XYLB: variants seen among roughly 807,000 people sequenced by gnomAD.
The protein encoded by XYLB is xylulose kinase.
A neutral mutation model predicts 78.7 loss-of-function variants in XYLB; 62 were observed. That is an observed-to-expected ratio of 0.79 (90% confidence interval 0.64 to 0.97). The LOEUF (loss-of-function observed/expected upper bound fraction) is 0.97, where lower values mean the gene tolerates loss of function less well. XYLB is among the 50% of genes least tolerant of loss of function. The pLI is 0.00. For synonymous variants in XYLB, 245 were observed against 247.4 expected (o/e 0.99, Z 0.09); for missense variants, 687 against 676.8 (o/e 1.02, Z -0.17).
At chr3:38,354,424 G>C (rs1317335686) in intron 2 of XYLB, among the ~76,000 whole-genome samples, 1 of 151,472 alleles carries the variant, frequency 6.6e-6, no homozygotes, top group Non-Finnish European at 1.5e-5. Context: ...TTTTTTTCCA[G>C]AGTTTCCATG....
chr3:38,409,170 T>A (rs893857810), intron 18 of XYLB, among the ~76,000 whole-genome samples: 4 of 152,074 alleles, frequency 2.6e-5, no homozygotes, highest in Non-Finnish European at 4.4e-5. Context: ...CAGCAGCACA[T>A]CCAAAAGCTT....
At chr3:38,366,158 G>T (rs571472779) in intron 6 of XYLB, among the ~76,000 whole-genome samples, 2 of 152,008 alleles carry the variant, frequency 1.3e-5, no homozygotes, top group African/African-American at 4.8e-5. Flanking sequence ...CTGTTCCACA[G>T]GTTCAACCTT....
At chr3:38,428,402 TACTG>T in the XYLB span, among the ~76,000 whole-genome samples, 1 of 152,258 alleles carries the variant, frequency 6.6e-6, no homozygotes, top group Non-Finnish European at 1.5e-5. Flanking sequence ...TTATACCAAT[TACTG>T]AGAGAGAAGT....
At chr3:38,381,206 T>G (rs191472443) in intron 15 of XYLB, among the ~76,000 whole-genome samples, 2 of 152,354 alleles carry the variant, frequency 1.3e-5, no homozygotes, top group Admixed American at 6.5e-5. Context: ...AATACTTTTA[T>G]AATTTCTTAC....
In XYLB at chr3:38,379,788, G is replaced by A. The variant is rs145761815; in HGVS notation, c.1291+446G>A. Among the ~76,000 whole-genome samples the A allele has an allele frequency of 1.3e-4, 20 of 152,264 alleles. No individual in the cohort carries two copies. In the South Asian group the frequency reaches 1.5e-3, roughly 11 times the overall value. On this transcript the variant is annotated intron_variant, in intron 15 of 18. Coordinates refer to ENST00000207870, the MANE Select transcript of XYLB (RefSeq NM_005108.4). Reference sequence around the variant, plus strand: ...TCTTTCAGCTTGGACAGGGAAGAGGGGGATGTAGTACCACTGTCAAAACTC... The same window carrying A: ...TCTTTCAGCTTGGACAGGGAAGAGGAGGATGTAGTACCACTGTCAAAACTC...
At chr3:38,406,006 CCTGT>C (rs911351167) in intron 18 of XYLB, among the ~76,000 whole-genome samples, 2 of 152,210 alleles carry the variant, frequency 1.3e-5, no homozygotes, top group Non-Finnish European at 2.9e-5. Context: ...GTTAAATATC[CCTGT>C]CTGACAGCTT....
In XYLB at chr3:38,362,952, T is replaced by C. The variant is rs769434154; in HGVS notation, c.226T>C (p.Leu76=). Residue 76 remains leucine, a synonymous_variant, in exon 4 of 19, where the codon TTG becomes CTG. Coordinates refer to ENST00000207870, the MANE Select transcript of XYLB (RefSeq NM_005108.4). The part of the protein sequence containing the change: ...LMWVQALDII[L]EKMKASGFDF... ...TTCTTCTTAGGCACTGGATATCATC[T>C]TGGAGAAGATGAAGGCTTCGGGCTT... 1.3e-5 allele frequency: 21 copies of C among 1,583,146 alleles called. No homozygotes were observed. Among genetic ancestry groups the C allele is most frequent in the Middle Eastern group, 1.7e-4 (1 of 5,988 alleles).
chr3:38,398,044 T>C (rs964789400), intron 17 of XYLB, among the ~76,000 whole-genome samples: 1 of 151,596 alleles, frequency 6.6e-6, no homozygotes, highest in Non-Finnish European at 1.5e-5. Context: ...GGTCTCGATC[T>C]CCTGACTTTG....
At chr3:38,407,403 C>T (rs981039068) in intron 18 of XYLB, among the ~76,000 whole-genome samples, 4 of 152,206 alleles carry the variant, frequency 2.6e-5, no homozygotes, top group African/African-American at 9.7e-5. Flanking sequence ...TGGAAAGGAA[C>T]AACCTGTACC....
chr3:38,351,898 A>C (rs1287834998), intron 2 of XYLB, among the ~76,000 whole-genome samples: 2 of 152,176 alleles, frequency 1.3e-5, no homozygotes, highest in African/African-American at 4.8e-5. Context: ...TGTTGTATGG[A>C]TGGACTACAA....
At chr3:38,393,876 A>T (rs1069266) in intron 15 of XYLB, among the ~76,000 whole-genome samples, 151,991 of 152,334 alleles carry the variant, frequency 1, 75,826 homozygotes, top group East Asian at 1. Flanking sequence ...CATTCTGAGA[A>T]ACTGGGGTTT....
chr3:38,360,617 C>A (rs1220185963), intron 3 of XYLB, among the ~76,000 whole-genome samples: 1 of 152,258 alleles, frequency 6.6e-6, no homozygotes, highest in African/African-American at 2.4e-5. Flanking sequence ...TTACAAAAAA[C>A]TTCCAGGTAC....
intron 2 of XYLB, among the ~76,000 whole-genome samples, chr3:38,359,172 T>C (rs555554503): frequency 7.9e-5 from 12 of 152,390 alleles, no homozygotes; most frequent in African/African-American, 2.9e-4. Flanking sequence ...GCATTTCTTA[T>C]GGGAAACAAA....
At chr3:38,396,979 T>C in intron 16 of XYLB, 93 bp from the exon 17 acceptor site, 1 of 1,259,026 alleles carries the variant, frequency 7.9e-7, no homozygotes, top group African/African-American at 1.5e-5. Context: ...TCAGAAGACA[T>C]ATGAGGGAGA....
In XYLB at chr3:38,362,943, G is replaced by T; in HGVS notation, c.217G>T (p.Asp73Tyr). The T allele has an allele frequency of 6.3e-7, 1 of 1,578,110 alleles. No individual in the cohort carries two copies. Among genetic ancestry groups the T allele is most frequent in the Non-Finnish European group, 8.6e-7 (1 of 1,160,624 alleles). Residue 73 changes from aspartate to tyrosine, a missense_variant, in exon 4 of 19, where the codon GAT becomes TAT. Asp to Tyr is a radical substitution (Grantham distance 160). Transcript: ENST00000207870. ...GTTCTGTTTTTCTTCTTAGGCACTGGATATCATCTTGGAGAAGATGAAGGC... is the reference window on the plus strand; with the variant it reads ...GTTCTGTTTTTCTTCTTAGGCACTGTATATCATCTTGGAGAAGATGAAGGC... ...SPVLMWVQAL[D>Y]IILEKMKASG...
downstream of XYLB, among the ~76,000 whole-genome samples, chr3:38,424,088 G>A (rs181098115): frequency 4.8e-4 from 73 of 152,276 alleles, no homozygotes; most frequent in African/African-American, 1.7e-3. Context: ...ATTAACAAAG[G>A]AGGCTGAGGC....
At position 38,365,211 on chromosome 3, in the gene XYLB, A is replaced by G. The variant is rs1421429245; in HGVS notation, c.304A>G (p.Ile102Val). 1.2e-6 allele frequency: 2 copies of G among 1,614,214 alleles called. No homozygotes were observed. The highest frequency in any genetic ancestry group is 1.7e-5 in the Admixed American group (1 of 60,022). The change falls in exon 5 of 19, where the codon ATA (isoleucine) becomes GTA (valine). Residue 102 changes from isoleucine (I) to valine (V), a missense_variant. Physicochemically the swap from Ile to Val is conservative, Grantham distance 29. Transcript: ENST00000207870. ...LSGAGQQHGS[I>V]YWKAGAQQAL... ...GGTTTCCCAACAGCAACACGGAAGTATATACTGGAAGGCTGGAGCCCAGCA... is the reference window on the plus strand; with the variant it reads ...GGTTTCCCAACAGCAACACGGAAGTGTATACTGGAAGGCTGGAGCCCAGCA...
chr3:38,398,361 G>A (rs1301087789), intron 17 of XYLB, among the ~76,000 whole-genome samples: 4 of 151,494 alleles, frequency 2.6e-5, no homozygotes, highest in Non-Finnish European at 5.9e-5. Flanking sequence ...CCAGCTACTC[G>A]GGAGGCTGAG....
chr3:38,354,570 T>A (rs1294001735), intron 2 of XYLB, among the ~76,000 whole-genome samples: 1 of 152,046 alleles, frequency 6.6e-6, no homozygotes, highest in East Asian at 1.9e-4. Flanking sequence ...TGGTGTGTTC[T>A]CTGCTCACTG....
Sources: allele counts gnomAD v4.1 joint callset (sites outside exome capture counted in the v4.1 genomes callset), GRCh38; gene constraint gnomAD v4.1.1; transcripts MANE v1.5; gene names NCBI Gene and HGNC (gene_info 2026-07-23, HGNC 2026-07-21).